Variants in KLHDC10 observed in about 807,000 individuals in gnomAD.
KLHDC10 encodes the protein kelch domain-containing protein 10.
Under a neutral mutation model 56.1 loss-of-function variants are expected in KLHDC10, and 24 were observed. That is an observed-to-expected ratio of 0.43 (90% CI 0.31 to 0.60). The LOEUF (loss-of-function observed/expected upper bound fraction) is 0.60. KLHDC10 is among the 20% of genes least tolerant of loss of function. The pLI is 0.11. For synonymous variants in KLHDC10, 188 were observed against 207.1 expected, an observed-to-expected ratio of 0.91 and a Z score of 0.79; for missense variants, 349 against 567.0, an observed-to-expected ratio of 0.62 and a Z score of 3.91.
chr7:130,105,755 G>A (rs975968018), intron 2 of KLHDC10, among the ~76,000 whole-genome samples: 2 of 152,102 alleles, frequency 1.3e-5, no homozygotes, highest in African/African-American at 4.8e-5. Context: ...TCTTGACCTG[G>A]GTGATGGTTA....
At chr7:130,087,791 G>A (rs1184698155) in intron 1 of KLHDC10, among the ~76,000 whole-genome samples, 7 of 145,330 alleles carry the variant, frequency 4.8e-5, no homozygotes, top group South Asian at 2.2e-4. Context: ...ATGGAGTCTC[G>A]CTCTTGTCAC....
chr7:130,117,174 T>C (rs967963881), intron 3 of KLHDC10, among the ~76,000 whole-genome samples: 1 of 152,194 alleles, frequency 6.6e-6, no homozygotes, highest in Non-Finnish European at 1.5e-5. Flanking sequence ...TAAAAATACT[T>C]TATTGCTAAA....
chr7:130,076,563 T>C (rs932650454), intron 1 of KLHDC10, among the ~76,000 whole-genome samples: 1 of 152,222 alleles, frequency 6.6e-6, no homozygotes, highest in Non-Finnish European at 1.5e-5. Context: ...TAAATATTCT[T>C]GTGTTTTCTC....
rs1796166718 is a variant in KLHDC10, at chr7:130,116,314, C to A, written c.254-131C>A. Reference sequence around the variant, plus strand: ...AGTATATCCATGTTATAAATCTAAACAAATAAGAAGTATATCCATGTTATA... The same window carrying A: ...AGTATATCCATGTTATAAATCTAAAAAAATAAGAAGTATATCCATGTTATA... On this transcript the variant is annotated intron_variant, in intron 2 of 9. Coordinates refer to ENST00000335420, the MANE Select transcript of KLHDC10 (RefSeq NM_014997.4). This position sits in a 1 kb window ranked among gnomAD's most constrained non-coding sequence, Gnocchi z 4.8. The A allele has an allele frequency of 1.6e-6, 1 of 640,398 alleles. No homozygotes were observed. Among genetic ancestry groups the A allele is most frequent in the Non-Finnish European group, 2.7e-6 (1 of 364,840 alleles). 39.7% of individuals were successfully genotyped at this position (640,398 alleles called of 1,614,324 possible). A position where few individuals can be genotyped will look rare whatever the true frequency, so the allele number is the denominator to read the frequency against.
intron 1 of KLHDC10, among the ~76,000 whole-genome samples, chr7:130,095,575 A>G (rs1283844729): frequency 6.6e-6 from 1 of 152,160 alleles, no homozygotes; most frequent in Non-Finnish European, 1.5e-5. Context: ...AAAATAAATA[A>G]TTCTCCTTTT....
chr7:130,121,006 G>C, intron 4 of KLHDC10, 103 bp downstream of exon 4: 1 of 1,187,990 alleles, frequency 8.4e-7, no homozygotes, highest in Non-Finnish European at 1.2e-6. Flanking sequence ...TAATGGAGAA[G>C]AGTTCTTTGT....
At chr7:130,071,875 T>A (rs1795416439) in intron 1 of KLHDC10, among the ~76,000 whole-genome samples, 1 of 152,218 alleles carries the variant, frequency 6.6e-6, no homozygotes, top group Non-Finnish European at 1.5e-5. Context: ...CAAAAATTAT[T>A]ATTTGATTAA....
chr7:130,096,191 A>C (rs1031282238), intron 1 of KLHDC10, among the ~76,000 whole-genome samples: 1 of 152,184 alleles, frequency 6.6e-6, no homozygotes, highest in African/African-American at 2.4e-5. Context: ...TTTTATTGTC[A>C]ATAAGAGCTA....
At chr7:130,129,643 T>A in intron 9 of KLHDC10, 67 bp downstream of exon 9, 2 of 1,498,914 alleles carry the variant, frequency 1.3e-6, no homozygotes, top group Admixed American at 4.3e-5. Flanking sequence ...TTAGAGATAT[T>A]AGCAAGAAAA....
intron 1 of KLHDC10, among the ~76,000 whole-genome samples, chr7:130,083,154 C>T (rs983361949): frequency 6.6e-6 from 1 of 152,184 alleles, no homozygotes; most frequent in African/African-American, 2.4e-5. Flanking sequence ...AAAACAATTT[C>T]ATCATTTTTC....
chr7:130,072,901 G>C (rs1252877139), intron 1 of KLHDC10, among the ~76,000 whole-genome samples: 2 of 151,860 alleles, frequency 1.3e-5, no homozygotes, highest in Non-Finnish European at 2.9e-5. Context: ...AATTACAGGC[G>C]CCCACCACCA....
intron 2 of KLHDC10, among the ~76,000 whole-genome samples, chr7:130,101,008 A>AAC (rs972533787): frequency 2.8e-5 from 4 of 144,244 alleles, no homozygotes; most frequent in Non-Finnish European, 6.3e-5. Context: ...TAAAAAAAAA[A>AAC]AACAAAAAAA....
At chr7:130,099,125 A>G (rs1286775521) in intron 2 of KLHDC10, among the ~76,000 whole-genome samples, 2 of 152,058 alleles carry the variant, frequency 1.3e-5, no homozygotes, top group Non-Finnish European at 2.9e-5. Context: ...TTTACTGTAT[A>G]GTTCTAGATG....
chr7:130,122,576 G>A (rs112287466), intron 5 of KLHDC10, among the ~76,000 whole-genome samples: 2,165 of 152,196 alleles, frequency 0.014, 44 homozygotes, highest in African/African-American at 0.049. Flanking sequence ...TAAAGAAAGG[G>A]TCTCACTCTG....
At chr7:130,124,408 AT>A in intron 5 of KLHDC10, 42 bp from the exon 6 acceptor site, 2 of 1,187,764 alleles carry the variant, frequency 1.7e-6, no homozygotes, top group Non-Finnish European at 1.3e-6. Flanking sequence ...TAGATAGGTC[AT>A]TTTTCACTTA....
intron 2 of KLHDC10, 60 bp downstream of exon 2, chr7:130,097,067 A>T: frequency 8.6e-7 from 1 of 1,157,298 alleles, no homozygotes; most frequent in Non-Finnish European, 1.2e-6. Flanking sequence ...CTTTGAATGA[A>T]TTTTCTAAGC....
At chr7:130,093,034 T>C (rs1795798480) in intron 1 of KLHDC10, among the ~76,000 whole-genome samples, 1 of 152,010 alleles carries the variant, frequency 6.6e-6, no homozygotes. Flanking sequence ...TTTTTTTTGT[T>C]ATTTGGGAGA....
At chr7:130,091,580 A>G (rs891524826) in intron 1 of KLHDC10, among the ~76,000 whole-genome samples, 2 of 152,168 alleles carry the variant, frequency 1.3e-5, no homozygotes, top group African/African-American at 4.8e-5. Flanking sequence ...TTTTTCATCA[A>G]TATCTATATT....
At chr7:130,127,571 G>T (rs1796330629) in intron 8 of KLHDC10, 120 bp downstream of exon 8, 1 of 699,346 alleles carries the variant, frequency 1.4e-6, no homozygotes, top group Admixed American at 2.6e-5. Flanking sequence ...TCTATTTCTT[G>T]TAAACTTAAA....
Sources: gnomAD v4.1 joint callset for allele counts (sites outside exome capture counted in the v4.1 genomes callset) on GRCh38, gnomAD v4.1.1 for gene constraint, Gnocchi (gnomAD v3.1) non-coding constraint, MANE v1.5 for transcripts, NCBI Gene and HGNC (gene_info 2026-07-23, HGNC 2026-07-21) for gene names.